The following PRKAR1B variants were observed in gnomAD, a reference collection of about 807,000 sequenced individuals.
PRKAR1B encodes the protein cAMP-dependent protein kinase type I-beta regulatory subunit.
In PRKAR1B, 22 loss-of-function variants were observed where a neutral mutation model predicts 46.5. That is an observed-to-expected ratio of 0.47 (90% CI 0.34 to 0.68). The LOEUF (loss-of-function observed/expected upper bound fraction) is 0.68, where lower values mean the gene tolerates loss of function less well. PRKAR1B is among the 30% of genes least tolerant of loss of function. The pLI is 0.01. For synonymous variants in PRKAR1B, 259 were observed against 217.7 expected (o/e 1.19, Z -1.67); for missense variants, 445 against 535.6 (o/e 0.83, Z 1.67).
chr7:551,493 G>A (rs944155478), intron 9 of PRKAR1B, 23 bp from the exon 10 acceptor site: 10 of 1,548,868 alleles, frequency 6.5e-6, no homozygotes, highest in East Asian at 2.4e-5. Flanking sequence ...GTGGACAGAC[G>A]TGAGTGCCAG....
intron 4 of PRKAR1B, among the ~76,000 whole-genome samples, chr7:617,407 C>A (rs1055448986): frequency 2.0e-5 from 3 of 151,266 alleles, no homozygotes; most frequent in Non-Finnish European, 2.9e-5. Context: ...TGAGCTCAAG[C>A]GATCCTCCTG....
rs1273608828 is a variant in PRKAR1B, at chr7:611,878, GACAGGTGGGTGGATGA to G, written c.441-4442_441-4427del. On this transcript the variant is annotated intron_variant, in intron 4 of 10. Transcript: ENST00000537384. ...GAGTAGATGAATCGATGGATGGATG[GACAGGTGGGTGGATGA>G]ACAGGTGGGTGAGTAGATCAACGGA... Among the ~76,000 whole-genome samples, 7 of 152,050 alleles carry G rather than the reference GACAGGTGGGTGGATGA, an allele frequency of 4.6e-5. 1 individual carries two copies. In the East Asian group the frequency reaches 1.4e-3, roughly 29 times the overall value.
At chr7:588,026 C>A (rs1004078171) in intron 7 of PRKAR1B, among the ~76,000 whole-genome samples, 1 of 152,234 alleles carries the variant, frequency 6.6e-6, no homozygotes, top group Non-Finnish European at 1.5e-5. Flanking sequence ...GGTGGCCAGG[C>A]TGACCTTTCC....
chr7:618,653 A>C (rs1384697517), intron 4 of PRKAR1B, among the ~76,000 whole-genome samples: 1 of 152,004 alleles, frequency 6.6e-6, no homozygotes, highest in African/African-American at 2.4e-5. Flanking sequence ...CATTTCCCTG[A>C]TCTCTAAGCT....
chr7:642,502 G>A (rs1784437847), intron 4 of PRKAR1B, among the ~76,000 whole-genome samples: 1 of 152,136 alleles, frequency 6.6e-6, no homozygotes, highest in South Asian at 2.1e-4. Flanking sequence ...GAGGCGGGCG[G>A]ATCACGAGGT....
At chr7:554,610 G>A (rs1157704518) in intron 9 of PRKAR1B, among the ~76,000 whole-genome samples, 1 of 151,242 alleles carries the variant, frequency 6.6e-6, no homozygotes, top group Non-Finnish European at 1.5e-5. Flanking sequence ...GGAGGCCACG[G>A]ATCCCACAGA....
At chr7:660,801 A>T (rs531049913) in intron 4 of PRKAR1B, among the ~76,000 whole-genome samples, 20 of 93,070 alleles carry the variant, frequency 2.1e-4, no homozygotes, top group Admixed American at 3.0e-4. Context: ...ACAGATGCAA[A>T]TACCTACTCT....
At position 579,374 on chromosome 7, in the gene PRKAR1B, G is replaced by A. The variant is rs1227082232; in HGVS notation, c.773C>T (p.Ser258Phe). The A allele has an allele frequency of 1.2e-6, 2 of 1,613,504 alleles. No homozygotes were observed. Among genetic ancestry groups the A allele is most frequent in the East Asian group, 2.2e-5 (1 of 44,888 alleles). Residue 258 changes from serine to phenylalanine, a missense_variant, in exon 9 of 11, where the codon TCC (serine) becomes TTC (phenylalanine). Around this residue, in one of 5 missense-constraint regions of PRKAR1B, gnomAD observed 51 missense variants for 85.1 expected, o/e 0.60. Coordinates refer to ENST00000537384, the MANE Select transcript of PRKAR1B (RefSeq NM_001164760.2). ...GGTCAGACGCTCCCACTTCTCCAGG[G>A]ACTCTGTCGGGGGAGGATGAGGACA... Reference protein sequence around the residue: ...EFLSKVSILESLEKWERLTVA... With the variant: ...EFLSKVSILEFLEKWERLTVA...
intron 1 of PRKAR1B, among the ~76,000 whole-genome samples, chr7:711,956 C>T (rs1780658535): frequency 6.7e-6 from 1 of 149,766 alleles, no homozygotes; most frequent in African/African-American, 2.5e-5. Flanking sequence ...CCCCTGCGCG[C>T]GGCCTCAGGG....
chr7:702,949 G>A (rs1290511738), intron 2 of PRKAR1B, among the ~76,000 whole-genome samples: 1 of 151,676 alleles, frequency 6.6e-6, no homozygotes, highest in African/African-American at 2.4e-5. Context: ...TTTAAAAAGT[G>A]GATAATCTAA....
chr7:557,809 G>GT (rs1429154986), intron 9 of PRKAR1B, among the ~76,000 whole-genome samples: 2 of 152,054 alleles, frequency 1.3e-5, no homozygotes, highest in Non-Finnish European at 2.9e-5. Flanking sequence ...GAGAGTCTGG[G>GT]TTTTTTTGGG....
At chr7:697,380 C>A (rs1027239407) in intron 2 of PRKAR1B, among the ~76,000 whole-genome samples, 4 of 152,122 alleles carry the variant, frequency 2.6e-5, no homozygotes, top group African/African-American at 9.7e-5. Flanking sequence ...GGTTCTCGCT[C>A]CTGTGGGGAC....
At chr7:639,466 AACTAT>A (rs1479653360) in intron 4 of PRKAR1B, among the ~76,000 whole-genome samples, 1 of 152,242 alleles carries the variant, frequency 6.6e-6, no homozygotes, top group Non-Finnish European at 1.5e-5. Context: ...TAAGAGCTGA[AACTAT>A]AAAAGAAGAC....
At chr7:552,920 G>C (rs188191421) in intron 9 of PRKAR1B, among the ~76,000 whole-genome samples, 103 of 152,364 alleles carry the variant, frequency 6.8e-4, no homozygotes, top group African/African-American at 2.3e-3. Flanking sequence ...AAGTGGGGAG[G>C]GGTCTGCGGG....
intron 4 of PRKAR1B, among the ~76,000 whole-genome samples, chr7:670,877 G>A (rs1413367172): frequency 2.7e-5 from 4 of 146,252 alleles, no homozygotes; most frequent in African/African-American, 1.0e-4. Context: ...CCCATGCCAC[G>A]GCGTCAGGCA....
chr7:630,778 C>G (rs1265584242), intron 4 of PRKAR1B, among the ~76,000 whole-genome samples: 2 of 152,122 alleles, frequency 1.3e-5, no homozygotes, highest in East Asian at 3.9e-4. Flanking sequence ...CACCCCCAGG[C>G]CCAGTCAGGT....
intron 1 of PRKAR1B, among the ~76,000 whole-genome samples, chr7:715,058 G>T (rs986851474): frequency 6.6e-6 from 1 of 152,094 alleles, no homozygotes; most frequent in Non-Finnish European, 1.5e-5. Flanking sequence ...GGTCATGCAC[G>T]CCTGTAATCC....
chr7:639,934 G>T (rs1474124943), intron 4 of PRKAR1B, among the ~76,000 whole-genome samples: 1 of 151,948 alleles, frequency 6.6e-6, no homozygotes, highest in Non-Finnish European at 1.5e-5. Context: ...GGAGGTCAAG[G>T]TGGGCGGATC....
chr7:551,840 CA>C (rs1221322169), intron 9 of PRKAR1B, among the ~76,000 whole-genome samples: 112 of 137,936 alleles, frequency 8.1e-4, no homozygotes, highest in African/African-American at 1.2e-3. Context: ...GTCCTTCTCC[CA>C]GAGCCACTGC....
Sources: gnomAD v4.1 joint callset for allele counts (sites outside exome capture counted in the v4.1 genomes callset) on GRCh38, gnomAD v4.1.1 for gene constraint, gnomAD v4.1.1 regional missense constraint, MANE v1.5 for transcripts, NCBI Gene and HGNC (gene_info 2026-07-23, HGNC 2026-07-21) for gene names.